Variants in NUDT4 observed in about 807,000 individuals in gnomAD.
NUDT4 encodes the protein diphosphoinositol polyphosphate phosphohydrolase 2.
Under a neutral mutation model 23.1 loss-of-function variants are expected in NUDT4, and 5 were observed. The ratio of observed to expected loss-of-function variants is 0.22; its 90% CI spans 0.11 to 0.46. NUDT4 has a LOEUF of 0.46. Ranked by LOEUF, NUDT4 falls within the 20% of genes least tolerant of loss-of-function variation. NUDT4 has a pLI of 0.99. For synonymous variants in NUDT4, 50 were observed against 79.0 expected (o/e 0.63, Z 1.95); for missense variants, 96 against 211.6 (o/e 0.45, Z 3.39).
At chr12:93,385,607 G>A (rs1875998776) in intron 1 of NUDT4, among the ~76,000 whole-genome samples, 1 of 152,050 alleles carries the variant, frequency 6.6e-6, no homozygotes, top group South Asian at 2.1e-4. Flanking sequence ...GCATTAATTA[G>A]CATGCTAACT....
intron 1 of NUDT4, among the ~76,000 whole-genome samples, chr12:93,386,131 A>G (rs1876077266): frequency 6.6e-6 from 1 of 151,752 alleles, no homozygotes; most frequent in Non-Finnish European, 1.5e-5. Context: ...ACATGCCACC[A>G]TGCCTGGCTA....
intron 1 of NUDT4, among the ~76,000 whole-genome samples, chr12:93,387,184 G>A (rs752187583): frequency 1.6e-4 from 25 of 151,962 alleles, no homozygotes; most frequent in Admixed American, 1.2e-3. Flanking sequence ...CTCCTGCCTC[G>A]GCCTCCCAAA....
At chr12:93,394,083 A>G (rs12424918) in intron 1 of NUDT4, among the ~76,000 whole-genome samples, 19,127 of 151,886 alleles carry the variant, frequency 0.13, 1,356 homozygotes, top group Admixed American at 0.2. Flanking sequence ...GTTCATTGCA[A>G]CCTCCACCTC....
At chr12:93,378,578 A>C in intron 1 of NUDT4, 157 bp downstream of exon 1, 2 of 1,285,622 alleles carry the variant, frequency 1.6e-6, no homozygotes, top group Non-Finnish European at 2.0e-6. Flanking sequence ...TTCCTCCCTC[A>C]CTTCTTCCTT....
chr12:93,390,147 G>A (rs112346735), intron 1 of NUDT4, among the ~76,000 whole-genome samples: 4,320 of 152,164 alleles, frequency 0.028, 200 homozygotes, highest in African/African-American at 0.097. Flanking sequence ...TTTTCAGGCG[G>A]CTAGCCACCT....
rs2121019111 is a variant in NUDT4, at chr12:93,403,705, C to T, written c.*4326C>T. Reference sequence around the variant, plus strand: ...ACTTATACCATCTTCAAAAGCAATACAATTTTATTTGTAGACGTGATTTCC... The same window carrying T: ...ACTTATACCATCTTCAAAAGCAATATAATTTTATTTGTAGACGTGATTTCC... On this transcript the variant is annotated 3_prime_UTR_variant, in exon 5 of 5. Transcript: ENST00000415493. 1 of 152,292 alleles carries T rather than the reference C, an allele frequency of 6.6e-6. No homozygotes were observed. Among genetic ancestry groups the T allele is most frequent in the Non-Finnish European group, 1.5e-5 (1 of 68,022 alleles). The allele number at this position is 152,292 out of a possible 1,614,324, so 9.4% of individuals were successfully genotyped here. A position where few individuals can be genotyped will look rare whatever the true frequency, so the allele number is the denominator to read the frequency against.
Position 93,404,078 on chromosome 12 carries a change from G to A in NUDT4, c.*4699G>A, listed in dbSNP as rs1461245431. 6.6e-6 allele frequency: 1 copy of A among 152,212 alleles called. No homozygotes were observed. 9.4% of individuals were successfully genotyped at this position (152,212 alleles called of 1,614,324 possible). A position where few individuals can be genotyped will look rare whatever the true frequency, so the allele number is the denominator to read the frequency against. On this transcript the variant is annotated 3_prime_UTR_variant, in exon 5 of 5. Coordinates refer to ENST00000415493, the MANE Select transcript of NUDT4 (RefSeq NM_019094.6). ...ACTCTCCTGATGCTAATCAGTATCA[G>A]ACAATGGAAGTAAATTTTCCTGCTT...
At chr12:93,378,876 G>A (rs74626980) in intron 1 of NUDT4, 46,101 of 767,258 alleles carry the variant, frequency 0.06, 1,529 homozygotes, top group Middle Eastern at 0.064. Context: ...TTCGATCTAA[G>A]CATGTTTGTG....
At chr12:93,394,249 G>T (rs964481070) in intron 1 of NUDT4, among the ~76,000 whole-genome samples, 2 of 152,098 alleles carry the variant, frequency 1.3e-5, no homozygotes, top group African/African-American at 4.8e-5. Flanking sequence ...TGATCCGCCC[G>T]CCTCGGCCTC....
chr12:93,395,444 T>C, intron 2 of NUDT4, 45 bp from the exon 3 acceptor site: 1 of 1,353,128 alleles, frequency 7.4e-7, no homozygotes, highest in Non-Finnish European at 1.1e-6. Flanking sequence ...ATATACATTT[T>C]GTTATAAAAA....
At chr12:93,378,890 T>G in intron 1 of NUDT4, 1 of 593,274 alleles carries the variant, frequency 1.7e-6, no homozygotes, top group Non-Finnish European at 2.1e-6. Flanking sequence ...GTTTGTGGAG[T>G]AACAGACAGT....
At chr12:93,398,675 A>G in intron 3 of NUDT4, 96 bp from the exon 4 acceptor site, 1 of 732,696 alleles carries the variant, frequency 1.4e-6, no homozygotes, top group Admixed American at 2.3e-5. Context: ...ACGCTATGCT[A>G]ATCAGCAGTA....
intron 1 of NUDT4, among the ~76,000 whole-genome samples, chr12:93,384,002 G>C (rs1052235159): frequency 9.2e-5 from 14 of 152,168 alleles, no homozygotes; most frequent in Non-Finnish European, 2.1e-4. Context: ...CATGACAATT[G>C]CATCTTTAAG....
At chr12:93,382,293 A>C (rs1368641242) in intron 1 of NUDT4, among the ~76,000 whole-genome samples, 1 of 151,714 alleles carries the variant, frequency 6.6e-6, no homozygotes, top group Non-Finnish European at 1.5e-5. Context: ...AACAAAAAAA[A>C]CCACTACTCT....
At chr12:93,391,759 C>T (rs1876523904) in intron 1 of NUDT4, among the ~76,000 whole-genome samples, 1 of 152,090 alleles carries the variant, frequency 6.6e-6, no homozygotes, top group East Asian at 1.9e-4. Context: ...CATCTCTATG[C>T]ACACTGGGAA....
chr12:93,398,358 AAGAAAAG>A lies in NUDT4; in HGVS notation c.256-411_256-405del, dbSNP rs1248301257. On this transcript the variant is annotated intron_variant, in intron 3 of 4. Coordinates refer to ENST00000415493, the MANE Select transcript of NUDT4 (RefSeq NM_019094.6). Reference sequence around the variant, plus strand: ...TGTCTCAAAAAAAAAAAAAAAAAAAAAGAAAAGAACATCAGATATATAGAAATAAGTG... The same window carrying A: ...TGTCTCAAAAAAAAAAAAAAAAAAAAAACATCAGATATATAGAAATAAGTG... 2.7e-3 allele frequency among the ~76,000 whole-genome samples: 388 copies of A among 142,290 alleles called. 4 individuals are homozygous for A. Among genetic ancestry groups the A allele is most frequent in the African/African-American group, 0.011 (375 of 32,928 alleles). 93.3% of individuals were successfully genotyped at this position (142,290 alleles called of 152,430 possible).
rs547097447 is a variant in NUDT4 at position 93,402,234 on chromosome 12, CTT to C, written c.*2860_*2861del. The C allele has an allele frequency of 3.3e-5, 5 of 152,002 alleles. No homozygotes were observed. Among genetic ancestry groups the C allele is most frequent in the African/African-American group, 1.2e-4 (5 of 41,414 alleles). The allele number at this position is 152,002 out of a possible 1,614,324, so 9.4% of individuals were successfully genotyped here. A position where few individuals can be genotyped will look rare whatever the true frequency, so the allele number is the denominator to read the frequency against. On this transcript the variant is annotated 3_prime_UTR_variant, in exon 5 of 5. Transcript: ENST00000415493. ...GAGATAATTGATGTAAGAATCCTGACTTTTTTATATTTGGAAACATCAAATAA... is the reference window on the plus strand; with the variant it reads ...GAGATAATTGATGTAAGAATCCTGACTTTTATATTTGGAAACATCAAATAA...
At chr12:93,398,338 CAAAAAAAAAA>C (rs34651915) in intron 3 of NUDT4, among the ~76,000 whole-genome samples, 5 of 75,312 alleles carry the variant, frequency 6.6e-5, no homozygotes, top group Non-Finnish European at 9.8e-5. Flanking sequence ...CTCCCTGTCT[CAAAAAAAAAA>C]AAAAAAAAAA....
chr12:93,385,975 A>ATATATATATATACACAT (rs1876059266), intron 1 of NUDT4, among the ~76,000 whole-genome samples: 1 of 128,870 alleles, frequency 7.8e-6, no homozygotes, highest in Non-Finnish European at 1.7e-5. Context: ...ATATATACAT[A>ATATATATATATACACAT]ATTTTTTTTT....
Sources: gnomAD v4.1 joint callset for allele counts (sites outside exome capture counted in the v4.1 genomes callset) on GRCh38, gnomAD v4.1.1 for gene constraint, MANE v1.5 for transcripts, NCBI Gene and HGNC (gene_info 2026-07-23, HGNC 2026-07-21) for gene names.